The following CADPS variants were observed in gnomAD, a reference collection of about 807,000 sequenced individuals.
CADPS encodes the protein calcium dependent secretion activator.
CADPS carries 57 observed loss-of-function variants against 167.3 expected under a neutral mutation model. The ratio of observed to expected loss-of-function variants is 0.34; its 90% CI spans 0.28 to 0.42. CADPS has a LOEUF of 0.42. Among genes scored for constraint, CADPS ranks in the 20% least tolerant of loss-of-function variants. The pLI is 1.00. For synonymous variants in CADPS, 676 were observed against 635.3 expected, an observed-to-expected ratio of 1.06 and a Z score of -0.96; for missense variants, 1,414 against 1,738.1, an observed-to-expected ratio of 0.81 and a Z score of 3.32.
intron 1 of CADPS, among the ~76,000 whole-genome samples, chr3:62,776,353 G>A (rs2090294269): frequency 6.6e-6 from 1 of 152,196 alleles, no homozygotes; most frequent in African/African-American, 2.4e-5. Flanking sequence ...GAGTGACATG[G>A]TTTAAGAACA....
chr3:62,655,402 G>A (rs560855832), intron 4 of CADPS, among the ~76,000 whole-genome samples: 7 of 152,236 alleles, frequency 4.6e-5, no homozygotes, highest in African/African-American at 1.4e-4. Context: ...GAAACATAGC[G>A]TATGGGTGGG....
At chr3:62,783,018 C>T (rs1226490886) in intron 1 of CADPS, among the ~76,000 whole-genome samples, 5 of 152,112 alleles carry the variant, frequency 3.3e-5, no homozygotes, top group East Asian at 1.9e-4. Context: ...CCTCAGCTTC[C>T]GAAAGTGCTG....
chr3:62,602,395 C>T lies in CADPS; in HGVS notation c.1326-9647G>A, dbSNP rs1359318656. Reference sequence around the variant, plus strand: ...ATGTGAACTGGGTGTTAAATTGGTGCGGTTCATAAAATTAACTGTGGGCTT... The same window carrying T: ...ATGTGAACTGGGTGTTAAATTGGTGTGGTTCATAAAATTAACTGTGGGCTT... On this transcript the variant is annotated intron_variant, in intron 6 of 29. Coordinates refer to ENST00000383710, the MANE Select transcript of CADPS (RefSeq NM_003716.4). The surrounding 1 kb of genome is among the most constrained non-coding windows in gnomAD (Gnocchi z 4.4). Among the ~76,000 whole-genome samples, 3 of 152,036 alleles carry T rather than the reference C, an allele frequency of 2.0e-5. No homozygotes were observed. Among genetic ancestry groups the T allele is most frequent in the East Asian group, 1.9e-4 (1 of 5,182 alleles).
At chr3:62,409,640 C>T (rs2048576040) in intron 28 of CADPS, among the ~76,000 whole-genome samples, 1 of 152,214 alleles carries the variant, frequency 6.6e-6, no homozygotes, top group African/African-American at 2.4e-5. Flanking sequence ...CCTACCTCCT[C>T]TTCTATTTTA....
intron 3 of CADPS, among the ~76,000 whole-genome samples, chr3:62,696,321 A>C (rs978178322): frequency 6.6e-6 from 1 of 152,134 alleles, no homozygotes; most frequent in Non-Finnish European, 1.5e-5. Flanking sequence ...CATTCCTGCA[A>C]ACCCCCTGCC....
chr3:62,645,721 C>G lies in CADPS; in HGVS notation c.1325+1G>C, dbSNP rs749964509. ...ATGGACCCTGGAGAAACATAACTTACGTTGGTTTAGAAGCCTCGGCCTGAT... is the reference window on the plus strand; with the variant it reads ...ATGGACCCTGGAGAAACATAACTTAGGTTGGTTTAGAAGCCTCGGCCTGAT... On this transcript the variant is annotated splice_donor_variant, in intron 6 of 29. Coordinates refer to ENST00000383710, the MANE Select transcript of CADPS (RefSeq NM_003716.4). LOFTEE classifies it high-confidence loss of function. The G allele has an allele frequency of 6.2e-7, 1 of 1,613,854 alleles. No homozygotes were observed. The highest frequency in any genetic ancestry group is 8.5e-7 in the Non-Finnish European group (1 of 1,179,874).
At chr3:62,462,290 G>A (rs2150318017) in intron 26 of CADPS, among the ~76,000 whole-genome samples, 1 of 152,360 alleles carries the variant, frequency 6.6e-6, no homozygotes, top group East Asian at 1.9e-4. Flanking sequence ...AGGAGGGTGC[G>A]CTTGGGCGCC....
At chr3:62,754,715 T>A (rs952133323) in intron 2 of CADPS, among the ~76,000 whole-genome samples, 2 of 152,142 alleles carry the variant, frequency 1.3e-5, no homozygotes, top group African/African-American at 4.8e-5. Flanking sequence ...GTATGTATTT[T>A]AAAATGAGGA....
intron 13 of CADPS, among the ~76,000 whole-genome samples, chr3:62,531,222 T>TTCTC (rs10587853): frequency 2.0e-5 from 3 of 150,628 alleles, no homozygotes; most frequent in Admixed American, 1.3e-4. Flanking sequence ...ATAATGCAAC[T>TTCTC]TCTCTCTCTC....
chr3:62,502,685 C>G (rs1561340678), intron 17 of CADPS, among the ~76,000 whole-genome samples: 1 of 152,022 alleles, frequency 6.6e-6, no homozygotes, highest in African/African-American at 2.4e-5. Flanking sequence ...GAAAGGTGAA[C>G]AGAAAAGCAA....
At chr3:62,755,342 G>A (rs956535467) in intron 2 of CADPS, among the ~76,000 whole-genome samples, 49 of 152,308 alleles carry the variant, frequency 3.2e-4, no homozygotes, top group African/African-American at 1.1e-3. Flanking sequence ...CCATTCGGAA[G>A]CTTACATGAG....
intron 17 of CADPS, among the ~76,000 whole-genome samples, chr3:62,506,056 A>T (rs1353179296): frequency 2.0e-5 from 3 of 152,174 alleles, no homozygotes; most frequent in Non-Finnish European, 4.4e-5. Context: ...TTAAACTTCC[A>T]AGCCAGAGAA....
At chr3:62,750,117 C>T (rs1048297028) in intron 3 of CADPS, among the ~76,000 whole-genome samples, 4 of 151,784 alleles carry the variant, frequency 2.6e-5, no homozygotes, top group Non-Finnish European at 2.9e-5. Flanking sequence ...TTTGGGAGGC[C>T]GAGGTGGGTG....
chr3:62,638,482 T>C (rs769253770), intron 6 of CADPS, among the ~76,000 whole-genome samples: 5 of 152,126 alleles, frequency 3.3e-5, no homozygotes, highest in African/African-American at 1.2e-4. Context: ...CAGATGTAAG[T>C]GGCAAGTAAT....
chr3:62,808,678 C>T (rs1237660641), intron 1 of CADPS, among the ~76,000 whole-genome samples: 1 of 151,974 alleles, frequency 6.6e-6, no homozygotes, highest in East Asian at 1.9e-4. Context: ...CCTGGGTGTC[C>T]TTTCCTCAGT....
At chr3:62,716,357 G>C (rs1426105652) in intron 3 of CADPS, among the ~76,000 whole-genome samples, 1 of 152,146 alleles carries the variant, frequency 6.6e-6, no homozygotes, top group East Asian at 1.9e-4. Context: ...CCTGGCCTAT[G>C]ATAATAAATC....
intron 6 of CADPS, among the ~76,000 whole-genome samples, chr3:62,597,086 C>T (rs1304720057): frequency 6.6e-6 from 1 of 152,118 alleles, no homozygotes; most frequent in African/African-American, 2.4e-5. Context: ...GGGTGTGGTG[C>T]CTCACTCCTG....
chr3:62,486,070 C>A (rs963075073), intron 21 of CADPS, among the ~76,000 whole-genome samples: 1 of 152,156 alleles, frequency 6.6e-6, no homozygotes, highest in East Asian at 1.9e-4. Context: ...ATATGTTCCA[C>A]CATAGTAACA....
chr3:62,806,722 TTAAC>T (rs1260813510), intron 1 of CADPS, among the ~76,000 whole-genome samples: 6 of 152,270 alleles, frequency 3.9e-5, no homozygotes, highest in East Asian at 1.9e-4. Flanking sequence ...AAAGTAGAGT[TTAAC>T]TAATATTAAC....
Sources: allele counts gnomAD v4.1 joint callset (sites outside exome capture counted in the v4.1 genomes callset), GRCh38; gene constraint gnomAD v4.1.1; non-coding constraint Gnocchi (gnomAD v3.1); transcripts MANE v1.5; gene names NCBI Gene and HGNC (gene_info 2026-07-23, HGNC 2026-07-21).